The following CCSER1 variants were observed in gnomAD, a reference collection of about 807,000 sequenced individuals.
CCSER1 encodes the protein serine-rich coiled-coil domain-containing protein 1.
Under a neutral mutation model 82.0 loss-of-function variants are expected in CCSER1, and 41 were observed. The observed-to-expected ratio is 0.50, with a 90% CI of 0.39 to 0.65. The LOEUF is 0.65. Ranked by LOEUF, CCSER1 falls within the 30% of genes least tolerant of loss-of-function variation. CCSER1 has a pLI of 0.00. For missense variants in CCSER1, 1,119 were observed against 1,064.2 expected, an observed-to-expected ratio of 1.05 and a Z score of -0.72; for synonymous variants, 414 against 383.9, an observed-to-expected ratio of 1.08 and a Z score of -0.92.
chr4:90,965,742 A>G (rs765219938), intron 9 of CCSER1, among the ~76,000 whole-genome samples: 11 of 152,118 alleles, frequency 7.2e-5, no homozygotes, highest in Non-Finnish European at 1.3e-4. Flanking sequence ...AAAATGTCCA[A>G]TTGCCAAAAA....
At chr4:91,596,062 T>TAAAAAA (rs1764564204) in intron 10 of CCSER1, among the ~76,000 whole-genome samples, 1 of 150,162 alleles carries the variant, frequency 6.7e-6, no homozygotes, top group Non-Finnish European at 1.5e-5. Flanking sequence ...AAATTGAGAG[T>TAAAAAA]AAGAAGCCCC....
chr4:90,736,139 A>G (rs1388447825), intron 7 of CCSER1, among the ~76,000 whole-genome samples: 1 of 152,116 alleles, frequency 6.6e-6, no homozygotes, highest in Non-Finnish European at 1.5e-5. Context: ...TCTATCCTTG[A>G]GAGTTATTCA....
At chr4:91,565,026 T>TTGTGTGTGTG (rs56723869) in intron 10 of CCSER1, among the ~76,000 whole-genome samples, 3 of 131,032 alleles carry the variant, frequency 2.3e-5, no homozygotes, top group Non-Finnish European at 4.9e-5. Context: ...GCACCTTGAG[T>TTGTGTGTGTG]TGTGTGTGTG....
At chr4:91,008,761 G>GAGCTCCCAA (rs1301173558) in intron 9 of CCSER1, among the ~76,000 whole-genome samples, 7 of 152,192 alleles carry the variant, frequency 4.6e-5, no homozygotes, top group Non-Finnish European at 8.8e-5. Context: ...CTTGCTCCCA[G>GAGCTCCCAA]AGCTCCCAAG....
At chr4:91,274,693 G>A (rs1015169367) in intron 10 of CCSER1, among the ~76,000 whole-genome samples, 5 of 152,138 alleles carry the variant, frequency 3.3e-5, no homozygotes, top group African/African-American at 1.2e-4. Flanking sequence ...ATTCTCTTGT[G>A]TATGTATACC....
rs1207943541 is a variant in CCSER1 at position 90,781,305 on chromosome 4, G to A, written c.2011-34457G>A. 5.1e-6 allele frequency: 5 copies of A among 985,144 alleles called. No homozygotes were observed. The African/African-American group carries it at 8.7e-5, about 17-fold the overall frequency. 61.0% of individuals were successfully genotyped at this position (985,144 alleles called of 1,614,324 possible). A position where few individuals can be genotyped will look rare whatever the true frequency, so the allele number is the denominator to read the frequency against. On this transcript the variant is annotated intron_variant, in intron 7 of 10. Coordinates refer to ENST00000509176, the MANE Select transcript of CCSER1 (RefSeq NM_001145065.2). Reference sequence around the variant, plus strand: ...TCTACAGAAACAGACACTGTGCTGAGCTCAAAAAATAGTGATTCATCAAAT... The same window carrying A: ...TCTACAGAAACAGACACTGTGCTGAACTCAAAAAATAGTGATTCATCAAAT...
intron 7 of CCSER1, 140 bp from the exon 8 acceptor site, chr4:90,815,622 G>T: frequency 1.8e-6 from 1 of 555,362 alleles, no homozygotes; most frequent in Non-Finnish European, 3.1e-6. Flanking sequence ...AATATATTAT[G>T]AAAAATATCA....
intron 10 of CCSER1, among the ~76,000 whole-genome samples, chr4:91,534,941 T>A (rs889709344): frequency 1.3e-5 from 2 of 151,840 alleles, no homozygotes; most frequent in African/African-American, 4.8e-5. Context: ...AATACTATTA[T>A]CTTAAATCAC....
At chr4:90,424,158 G>GGT (rs1377724214) in intron 4 of CCSER1, among the ~76,000 whole-genome samples, 1 of 145,598 alleles carries the variant, frequency 6.9e-6, no homozygotes. Flanking sequence ...GTGTTAATAA[G>GGT]GTGTTTTAGC....
chr4:91,492,830 C>T (rs541418818), intron 10 of CCSER1, among the ~76,000 whole-genome samples: 76 of 152,004 alleles, frequency 5.0e-4, no homozygotes, highest in Middle Eastern at 3.4e-3. Flanking sequence ...AGGATCATTC[C>T]AGAAAGGGGA....
chr4:90,709,446 T>G (rs549431644), intron 6 of CCSER1, among the ~76,000 whole-genome samples: 242 of 152,058 alleles, frequency 1.6e-3, no homozygotes, highest in Admixed American at 6.0e-3. Context: ...TCAAACCCCC[T>G]CCAACAGGTC....
chr4:91,296,340 C>T (rs1578139083), intron 10 of CCSER1, among the ~76,000 whole-genome samples: 2 of 150,810 alleles, frequency 1.3e-5, no homozygotes, highest in Non-Finnish European at 3.0e-5. Context: ...AGAATCAAAT[C>T]ACTTTGGGGA....
In CCSER1 at chr4:90,999,795, TTTTTGTTTTG is replaced by T. The variant is rs147827961; in HGVS notation, c.2172+76363_2172+76372del. On this transcript the variant is annotated intron_variant, in intron 9 of 10. Coordinates refer to ENST00000509176, the MANE Select transcript of CCSER1 (RefSeq NM_001145065.2). ...ATTGTTTTTTTCTTATTTGTTTTTGTTTTTGTTTTGTTTTGTTTTGTTTTTTGAGAACCTA... is the reference window on the plus strand; with the variant it reads ...ATTGTTTTTTTCTTATTTGTTTTTGTTTTTGTTTTGTTTTTTGAGAACCTA... 3.8e-3 allele frequency among the ~76,000 whole-genome samples: 573 copies of T among 151,332 alleles called. 1 individual carries two copies. The highest frequency in any genetic ancestry group is 6.7e-3 in the Non-Finnish European group (455 of 67,710).
chr4:91,442,240 A>T (rs1043617675), intron 10 of CCSER1, among the ~76,000 whole-genome samples: 2 of 151,898 alleles, frequency 1.3e-5, no homozygotes, highest in African/African-American at 2.4e-5. Flanking sequence ...GGCTACGGTA[A>T]CCAAAACAGC....
chr4:90,918,638 G>GATATATATATATAT (rs776306296), intron 8 of CCSER1, among the ~76,000 whole-genome samples: 1 of 149,052 alleles, frequency 6.7e-6, no homozygotes, highest in Admixed American at 6.8e-5. Flanking sequence ...ATTCAAGAGA[G>GATATATATATATAT]ATATATATAT....
chr4:91,494,282 G>A (rs1049652870), intron 10 of CCSER1, among the ~76,000 whole-genome samples: 6 of 151,830 alleles, frequency 4.0e-5, no homozygotes, highest in African/African-American at 1.4e-4. Context: ...ACTACTAGCA[G>A]TGGGCAACCC....
rs533383035 is a variant in CCSER1, at chr4:91,602,355, C to A, written c.*3298C>A. Among the ~76,000 whole-genome samples, 2 of 151,842 alleles carry A rather than the reference C, an allele frequency of 1.3e-5. No homozygotes were observed. The highest frequency in any genetic ancestry group is 1.5e-5 in the Non-Finnish European group (1 of 67,888). ...TTGTTTAATAGAGATAATAACCATA[C>A]ACCCCTCTCCAGAAAAAAGTTTTTA... On this transcript the variant is annotated 3_prime_UTR_variant, in exon 11 of 11. Coordinates refer to ENST00000509176, the MANE Select transcript of CCSER1 (RefSeq NM_001145065.2).
At chr4:90,559,350 T>C (rs1168425686) in intron 5 of CCSER1, among the ~76,000 whole-genome samples, 1 of 152,136 alleles carries the variant, frequency 6.6e-6, no homozygotes, top group Non-Finnish European at 1.5e-5. Context: ...AAGGCAGGAT[T>C]AAGCAGAGGG....
intron 4 of CCSER1, among the ~76,000 whole-genome samples, chr4:90,413,998 A>G (rs962880444): frequency 3.0e-5 from 4 of 131,244 alleles, no homozygotes; most frequent in Non-Finnish European, 6.3e-5. Flanking sequence ...ATATATATAT[A>G]TATATATATA....
Sources: allele counts gnomAD v4.1 joint callset (sites outside exome capture counted in the v4.1 genomes callset), GRCh38; gene constraint gnomAD v4.1.1; transcripts MANE v1.5; gene names NCBI Gene and HGNC (gene_info 2026-07-23, HGNC 2026-07-21).